GPC5: variants seen among roughly 807,000 people sequenced by gnomAD.
GPC5 encodes the protein glypican-5.
In GPC5, 47 loss-of-function variants were observed where a neutral mutation model predicts 53.9. That is an observed-to-expected ratio of 0.87 (90% CI 0.69 to 1.11). GPC5 has a LOEUF of 1.11. GPC5 is among the 50% of genes most tolerant of loss of function. GPC5 has a pLI of 0.00. For synonymous variants in GPC5, 286 were observed against 263.3 expected (o/e 1.09, Z -0.84); for missense variants, 748 against 713.1 (o/e 1.05, Z -0.56).
chr13:91,480,507 ATTAC>A (rs1883242791), intron 2 of GPC5, among the ~76,000 whole-genome samples: 1 of 152,210 alleles, frequency 6.6e-6, no homozygotes, highest in South Asian at 2.1e-4. Context: ...GTGACTATCC[ATTAC>A]TTACTACTAA....
chr13:92,798,910 C>T (rs1449801702), intron 7 of GPC5, among the ~76,000 whole-genome samples: 2 of 151,844 alleles, frequency 1.3e-5, no homozygotes, highest in African/African-American at 2.4e-5. Context: ...CTAAGTAACA[C>T]CAGTATTACA....
intron 2 of GPC5, among the ~76,000 whole-genome samples, chr13:91,510,604 T>A (rs987925631): frequency 2.0e-5 from 3 of 152,356 alleles, no homozygotes; most frequent in African/African-American, 7.2e-5. Flanking sequence ...CATATTTTAA[T>A]TTGTCTTTGG....
At chr13:92,423,238 C>A (rs1267364177) in intron 7 of GPC5, among the ~76,000 whole-genome samples, 1 of 152,218 alleles carries the variant, frequency 6.6e-6, no homozygotes, top group Non-Finnish European at 1.5e-5. Context: ...TAGGTTTCAA[C>A]ACATGAATTT....
Position 91,708,273 on chromosome 13 carries a change from G to GT in GPC5, c.1020+14402dup, listed in dbSNP as rs1018672208. 3.6e-3 allele frequency among the ~76,000 whole-genome samples: 533 copies of GT among 147,008 alleles called. 8 individuals carry two copies. Among genetic ancestry groups the GT allele is most frequent in the Admixed American group, 0.013 (185 of 14,692 alleles). On this transcript the variant is annotated intron_variant, in intron 3 of 7. Coordinates refer to ENST00000377067, the MANE Select transcript of GPC5 (RefSeq NM_004466.6). Reference sequence around the variant, plus strand: ...GCTTAAGTTTACGTTTTTTGTTTTTGTTTTTTTTTTGTTTTTCCCCTGGGA... The same window carrying GT: ...GCTTAAGTTTACGTTTTTTGTTTTTGTTTTTTTTTTTGTTTTTCCCCTGGGA...
At chr13:91,763,943 C>T (rs1328933910) in intron 5 of GPC5, among the ~76,000 whole-genome samples, 1 of 152,176 alleles carries the variant, frequency 6.6e-6, no homozygotes, top group Non-Finnish European at 1.5e-5. Flanking sequence ...TTTAAATCAT[C>T]TCTAGACTAA....
At chr13:91,758,813 G>C (rs955662025) in intron 5 of GPC5, among the ~76,000 whole-genome samples, 2 of 152,008 alleles carry the variant, frequency 1.3e-5, no homozygotes, top group African/African-American at 4.8e-5. Context: ...CCAGTCTTTC[G>C]TGAACAAGCT....
chr13:91,547,551 G>C (rs2030368087), intron 2 of GPC5, among the ~76,000 whole-genome samples: 1 of 151,990 alleles, frequency 6.6e-6, no homozygotes, highest in Non-Finnish European at 1.5e-5. Context: ...GTACACTAGT[G>C]AATTTTACCA....
At position 91,955,253 on chromosome 13, in the gene GPC5, C is replaced by T. The variant is rs186294704; in HGVS notation, c.1401+47196C>T. Among the ~76,000 whole-genome samples the T allele has an allele frequency of 3.2e-3, 482 of 152,140 alleles. 4 individuals carry two copies. Among genetic ancestry groups the T allele is most frequent in the African/African-American group, 0.011 (448 of 41,510 alleles). On this transcript the variant is annotated intron_variant, in intron 6 of 7. Transcript: ENST00000377067. The stretch of plus-strand genomic sequence containing the variant: ...GCAGATTCTAAATCAATTGGAGGAA[C>T]GCAAATAGCCAAGAACACTCAAATT...
chr13:92,257,601 A>G (rs976727283), intron 7 of GPC5, among the ~76,000 whole-genome samples: 5 of 122,774 alleles, frequency 4.1e-5, no homozygotes, highest in East Asian at 2.3e-4. Flanking sequence ...CCCAGACTGG[A>G]GTGCAATGGT....
At chr13:91,400,663 T>C (rs891648674) in intron 1 of GPC5, among the ~76,000 whole-genome samples, 1 of 152,204 alleles carries the variant, frequency 6.6e-6, no homozygotes, top group African/African-American at 2.4e-5. Context: ...TCCCCAAATA[T>C]GGTAACTTTG....
intron 7 of GPC5, among the ~76,000 whole-genome samples, chr13:92,696,365 C>T (rs924718051): frequency 2.0e-5 from 3 of 152,142 alleles, no homozygotes; most frequent in African/African-American, 7.2e-5. Flanking sequence ...TCTGTTGTTT[C>T]CTGACTTTTT....
chr13:91,918,984 T>G (rs1340750090), intron 6 of GPC5, among the ~76,000 whole-genome samples: 1 of 152,178 alleles, frequency 6.6e-6, no homozygotes, highest in Non-Finnish European at 1.5e-5. Context: ...AGTCTACCAT[T>G]GTATTGGGTT....
intron 6 of GPC5, among the ~76,000 whole-genome samples, chr13:91,984,016 G>A (rs763626035): frequency 4.6e-5 from 7 of 152,180 alleles, no homozygotes; most frequent in Non-Finnish European, 8.8e-5. Flanking sequence ...AATAACCATC[G>A]AAGTGAAAGT....
intron 6 of GPC5, among the ~76,000 whole-genome samples, chr13:91,949,189 G>T (rs2040003578): frequency 6.6e-6 from 1 of 152,100 alleles, no homozygotes; most frequent in Non-Finnish European, 1.5e-5. Context: ...GCCTTCAGTT[G>T]TAACCACCTA....
chr13:91,740,923 A>C (rs1310038412), intron 4 of GPC5, among the ~76,000 whole-genome samples: 4 of 152,148 alleles, frequency 2.6e-5, no homozygotes, highest in African/African-American at 4.8e-5. Flanking sequence ...TGGCTGTGCC[A>C]ATTAAGTAGG....
chr13:91,926,604 A>G (rs573808769), intron 6 of GPC5, among the ~76,000 whole-genome samples: 1 of 152,134 alleles, frequency 6.6e-6, no homozygotes, highest in African/African-American at 2.4e-5. Flanking sequence ...CTGCCTGTGC[A>G]AAAACATGCC....
intron 7 of GPC5, among the ~76,000 whole-genome samples, chr13:92,677,927 C>T (rs1389062450): frequency 6.6e-6 from 1 of 152,116 alleles, no homozygotes; most frequent in Non-Finnish European, 1.5e-5. Context: ...TAACAATAGG[C>T]TTTGATTAAA....
intron 1 of GPC5, among the ~76,000 whole-genome samples, chr13:91,406,000 G>C (rs981077986): frequency 6.6e-6 from 1 of 152,100 alleles, no homozygotes; most frequent in African/African-American, 2.4e-5. Flanking sequence ...TTGAACTCCT[G>C]GGCTCAAGCA....
intron 7 of GPC5, among the ~76,000 whole-genome samples, chr13:92,265,656 CT>C (rs1226349098): frequency 1.3e-5 from 2 of 152,112 alleles, no homozygotes; most frequent in African/African-American, 2.4e-5. Flanking sequence ...GAAATAGAGG[CT>C]TTTTGCAGCC....
Sources: allele counts gnomAD v4.1 joint callset (sites outside exome capture counted in the v4.1 genomes callset), GRCh38; gene constraint gnomAD v4.1.1; transcripts MANE v1.5; gene names NCBI Gene and HGNC (gene_info 2026-07-23, HGNC 2026-07-21).